The following FRAS1 variants were observed in gnomAD, a reference collection of about 807,000 sequenced individuals.
FRAS1 encodes the protein extracellular matrix organizing protein FRAS1.
FRAS1 carries 290 observed loss-of-function variants against 435.2 expected under a neutral mutation model. The observed-to-expected ratio is 0.67, with a 90% CI of 0.61 to 0.73. FRAS1 has a LOEUF of 0.73. FRAS1 is among the 30% of genes least tolerant of loss of function. The pLI, the probability that FRAS1 is intolerant of heterozygous loss-of-function variation, is 0.00. For synonymous variants in FRAS1, 1,800 were observed against 1,851.0 expected (o/e 0.97, Z 0.71); for missense variants, 4,860 against 5,001.5 (o/e 0.97, Z 0.85).
At chr4:78,341,109 G>C (rs190175494) in intron 20 of FRAS1, among the ~76,000 whole-genome samples, 106 of 149,936 alleles carry the variant, frequency 7.1e-4, no homozygotes, top group African/African-American at 2.3e-3. Flanking sequence ...CCACACTGGA[G>C]TGTGTGTATG....
chr4:78,208,864 C>G (rs747878226), intron 2 of FRAS1, among the ~76,000 whole-genome samples: 59 of 152,240 alleles, frequency 3.9e-4, no homozygotes, highest in Non-Finnish European at 7.1e-4. Context: ...GGGTTGGGCG[C>G]ATCAGATCAC....
At chr4:78,161,140 G>C (rs529230397) in intron 2 of FRAS1, among the ~76,000 whole-genome samples, 53 of 150,000 alleles carry the variant, frequency 3.5e-4, no homozygotes, top group Non-Finnish European at 1.5e-4. Flanking sequence ...CTCTTTCTCA[G>C]GAAAAAAAAA....
rs1733155852 is a variant in FRAS1 at position 78,407,716 on chromosome 4, C to T, written c.4183C>T (p.Gln1395Ter). Reference protein sequence around the residue: ...MPADSPADEGQHLPDGRTATP... With the variant: ...MPADSPADEG ...TGCAGACAGCCCTGCAGATGAAGGG[C>T]AGCACCTGCCTGATGGGAGGACAGC... Residue 1395 changes from glutamine (Q) to a stop codon, truncating the protein, a stop_gained, in exon 31 of 74, where the codon CAG becomes TAG. Transcript: ENST00000512123. LOFTEE classifies it high-confidence loss of function. The T allele has an allele frequency of 6.2e-6, 10 of 1,613,758 alleles. No homozygotes were observed. The highest frequency in any genetic ancestry group is 8.5e-6 in the Non-Finnish European group (10 of 1,179,798).
intron 72 of FRAS1, among the ~76,000 whole-genome samples, chr4:78,538,226 A>G (rs1025824584): frequency 1.1e-4 from 17 of 152,240 alleles, no homozygotes; most frequent in African/African-American, 4.1e-4. Flanking sequence ...TCAGTTTAAA[A>G]TGAATTAATA....
chr4:78,253,821 C>T (rs576768820), intron 5 of FRAS1, among the ~76,000 whole-genome samples: 1 of 152,234 alleles, frequency 6.6e-6, no homozygotes, highest in African/African-American at 2.4e-5. Context: ...GATATGATTC[C>T]ATAAGGCTAA....
At position 78,106,005 on chromosome 4, in the gene FRAS1, G is replaced by A. The variant is rs1267120276; in HGVS notation, c.108+39989G>A. Among the ~76,000 whole-genome samples, 8 of 133,808 alleles carry A rather than the reference G, an allele frequency of 6.0e-5. 1 individual carries two copies. The highest frequency in any genetic ancestry group is 9.7e-5 in the Non-Finnish European group (6 of 62,100). The allele number at this position is 133,808 out of a possible 152,430, so 87.8% of individuals were successfully genotyped here. A position where few individuals can be genotyped will look rare whatever the true frequency, so the allele number is the denominator to read the frequency against. On this transcript the variant is annotated intron_variant, in intron 2 of 73. Transcript: ENST00000512123. ...GGGTGACGGATGCACCTGGAAAATC[G>A]GGTCACTCCCACCCGAATATTGCGC...
intron 53 of FRAS1, among the ~76,000 whole-genome samples, chr4:78,474,376 C>A (rs60794127): frequency 0.02 from 3,029 of 152,162 alleles, 114 homozygotes; most frequent in African/African-American, 0.069. Flanking sequence ...GACTCACTAT[C>A]CAAGAAATCA....
intron 18 of FRAS1, among the ~76,000 whole-genome samples, chr4:78,322,118 C>T (rs1354779394): frequency 6.6e-6 from 1 of 152,164 alleles, no homozygotes; most frequent in Non-Finnish European, 1.5e-5. Flanking sequence ...ATTGGGAAAC[C>T]GAGCACAACT....
intron 2 of FRAS1, among the ~76,000 whole-genome samples, chr4:78,158,477 C>T (rs1720985525): frequency 6.6e-6 from 1 of 151,922 alleles, no homozygotes; most frequent in African/African-American, 2.4e-5. Flanking sequence ...CTCGATTTGA[C>T]TCTCAGCTTG....
Position 78,450,073 on chromosome 4 carries a change from C to T in FRAS1, c.6275-78C>T, listed in dbSNP as rs553338348. ...AATGAATATGTGATAATTTAGCCTC[C>T]AGTCTCCTAAAATCATTTGACATCC... On this transcript the variant is annotated intron_variant, in intron 44 of 73. Transcript: ENST00000512123. The T allele has an allele frequency of 2.8e-4, 319 of 1,121,702 alleles. No individual in the cohort carries two copies. The African/African-American group carries it at 4.5e-3, about 16-fold the overall frequency. 69.5% of individuals were successfully genotyped at this position (1,121,702 alleles called of 1,614,324 possible). A position where few individuals can be genotyped will look rare whatever the true frequency, so the allele number is the denominator to read the frequency against.
chr4:78,384,741 A>C (rs114498681), intron 28 of FRAS1, among the ~76,000 whole-genome samples: 36,331 of 151,182 alleles, frequency 0.24, 4,727 homozygotes, highest in Admixed American at 0.3. Context: ...CGAAACAAAA[A>C]AAAAAAATAC....
intron 2 of FRAS1, among the ~76,000 whole-genome samples, chr4:78,087,391 T>A (rs1203228983): frequency 6.6e-6 from 1 of 152,008 alleles, no homozygotes; most frequent in Non-Finnish European, 1.5e-5. Flanking sequence ...CTCTCACCAC[T>A]CCTATTCAAC....
At chr4:78,398,387 T>A (rs1732755494) in intron 29 of FRAS1, among the ~76,000 whole-genome samples, 1 of 152,232 alleles carries the variant, frequency 6.6e-6, no homozygotes, top group African/African-American at 2.4e-5. Flanking sequence ...CCTGAGAATC[T>A]GAACATCTTA....
At chr4:78,519,258 C>A in intron 66 of FRAS1, 73 bp from the exon 67 acceptor site, 1 of 1,336,532 alleles carries the variant, frequency 7.5e-7, no homozygotes, top group Non-Finnish European at 9.9e-7. Flanking sequence ...AAAATGGAAC[C>A]AAGATGTGGT....
chr4:78,121,795 C>A (rs1014460623), intron 2 of FRAS1, among the ~76,000 whole-genome samples: 6 of 152,092 alleles, frequency 3.9e-5, no homozygotes, highest in South Asian at 4.1e-4. Context: ...TGTCTCATAG[C>A]ACGTAAGGCA....
At chr4:78,153,086 T>C (rs148490326) in intron 2 of FRAS1, among the ~76,000 whole-genome samples, 298 of 152,284 alleles carry the variant, frequency 2.0e-3, no homozygotes, top group African/African-American at 6.9e-3. Flanking sequence ...ACCCATTTTC[T>C]AGGCTCTTCC....
At chr4:78,499,691 G>T in intron 60 of FRAS1, 30 bp from the exon 61 acceptor site, 1 of 1,596,822 alleles carries the variant, frequency 6.3e-7, no homozygotes, top group South Asian at 1.1e-5. Context: ...ATTCTAACTG[G>T]CTCTTGTTTT....
At chr4:78,509,409 C>T (rs978662625) in intron 63 of FRAS1, among the ~76,000 whole-genome samples, 2 of 152,072 alleles carry the variant, frequency 1.3e-5, no homozygotes, top group African/African-American at 4.8e-5. Flanking sequence ...TAATGTATCT[C>T]CAATCGTTCA....
intron 2 of FRAS1, among the ~76,000 whole-genome samples, chr4:78,187,331 T>C (rs2866999): frequency 1 from 152,291 of 152,298 alleles, 76,142 homozygotes; most frequent in Non-Finnish European, 1. Flanking sequence ...CCACACCTGC[T>C]TTTCTAATTG....
Sources: allele counts gnomAD v4.1 joint callset (sites outside exome capture counted in the v4.1 genomes callset), GRCh38; gene constraint gnomAD v4.1.1; transcripts MANE v1.5; gene names NCBI Gene and HGNC (gene_info 2026-07-23, HGNC 2026-07-21).